Variants in XKR4 observed in about 807,000 individuals in gnomAD.
XKR4 encodes XK-related protein 4.
A neutral mutation model predicts 53.9 loss-of-function variants in XKR4; 12 were observed. That is an observed-to-expected ratio of 0.22 (90% confidence interval 0.14 to 0.36). The LOEUF (loss-of-function observed/expected upper bound fraction) is 0.36. XKR4 is among the 10% of genes least tolerant of loss of function. XKR4 has a pLI of 1.00. For synonymous variants in XKR4, 354 were observed against 362.4 expected, an observed-to-expected ratio of 0.98 and a Z score of 0.26; for missense variants, 799 against 859.5, an observed-to-expected ratio of 0.93 and a Z score of 0.88.
At chr8:55,279,756 C>T (rs141011626) in intron 1 of XKR4, among the ~76,000 whole-genome samples, 3 of 152,266 alleles carry the variant, frequency 2.0e-5, no homozygotes, top group Non-Finnish European at 4.4e-5. Context: ...TGAAGTCGTG[C>T]TCATTTCCTC....
At chr8:55,348,455 C>G (rs1297748141) in intron 1 of XKR4, among the ~76,000 whole-genome samples, 1 of 152,178 alleles carries the variant, frequency 6.6e-6, no homozygotes, top group Non-Finnish European at 1.5e-5. Context: ...TTTCTAGATA[C>G]AATCAGCACA....
chr8:55,454,573 G>C, intron 2 of XKR4: 1 of 1,441,562 alleles, frequency 6.9e-7, no homozygotes, highest in South Asian at 1.2e-5. Context: ...GGCCAGTGGA[G>C]TCTGGATGAC....
chr8:55,133,831 A>G (rs887002215), intron 1 of XKR4, among the ~76,000 whole-genome samples: 2 of 152,230 alleles, frequency 1.3e-5, no homozygotes, highest in African/African-American at 4.8e-5. Context: ...TGAATATTTA[A>G]TCACCAATAA....
chr8:55,458,810 C>A (rs540263987), intron 2 of XKR4, among the ~76,000 whole-genome samples: 2 of 152,296 alleles, frequency 1.3e-5, no homozygotes, highest in Admixed American at 1.3e-4. Context: ...CTTTGCCCCT[C>A]TGCCAGTGGA....
Position 55,139,397 on chromosome 8 carries a change from G to A in XKR4, c.806+36103G>A, listed in dbSNP as rs142208629. On this transcript the variant is annotated intron_variant, in intron 1 of 2. Transcript: ENST00000327381. The stretch of plus-strand genomic sequence containing the variant: ...AAAAATACAAAAATTATCTGGATGC[G>A]GTGGCGGCAGGCCCCGGTAATCCCA... Among the ~76,000 whole-genome samples, 1,204 of 151,752 alleles carry A rather than the reference G, an allele frequency of 7.9e-3. 11 individuals are homozygous for A. Among genetic ancestry groups the A allele is most frequent in the African/African-American group, 0.028 (1,151 of 41,348 alleles).
chr8:55,246,549 C>T (rs1013851800), intron 1 of XKR4, among the ~76,000 whole-genome samples: 3 of 152,110 alleles, frequency 2.0e-5, no homozygotes, highest in Non-Finnish European at 4.4e-5. Flanking sequence ...ATTCTAAGCC[C>T]TTGAAAATCT....
intron 1 of XKR4, among the ~76,000 whole-genome samples, chr8:55,281,715 T>G (rs1479671905): frequency 6.6e-6 from 1 of 152,240 alleles, no homozygotes; most frequent in African/African-American, 2.4e-5. Flanking sequence ...GTAATTTCTC[T>G]CGCTGTTTAT....
chr8:55,454,815 G>A (rs540448981), intron 2 of XKR4: 4 of 767,524 alleles, frequency 5.2e-6, no homozygotes, highest in East Asian at 2.5e-5. Flanking sequence ...CTCTGTGGGC[G>A]ACAGGTGCGT....
intron 1 of XKR4, among the ~76,000 whole-genome samples, chr8:55,314,045 T>C (rs1476509243): frequency 6.6e-6 from 1 of 152,136 alleles, no homozygotes; most frequent in Non-Finnish European, 1.5e-5. Context: ...AGTCCTAAAA[T>C]AAATGTATCT....
intron 2 of XKR4, among the ~76,000 whole-genome samples, chr8:55,375,410 C>T (rs556996042): frequency 6.6e-6 from 1 of 152,218 alleles, no homozygotes; most frequent in South Asian, 2.1e-4. Context: ...TGTTTCTCTC[C>T]TAAATGGATG....
intron 2 of XKR4, among the ~76,000 whole-genome samples, chr8:55,464,048 C>A (rs1171074883): frequency 6.6e-6 from 1 of 152,132 alleles, no homozygotes; most frequent in Non-Finnish European, 1.5e-5. Context: ...ACCAGAGATA[C>A]AATGAGAAGA....
At chr8:55,142,203 G>C in intron 1 of XKR4, 1 of 456,002 alleles carries the variant, frequency 2.2e-6, no homozygotes, top group Non-Finnish European at 4.4e-6. Context: ...CTGATCTGCT[G>C]GTCAAACGGC....
At chr8:55,277,343 A>C (rs1361886933) in intron 1 of XKR4, among the ~76,000 whole-genome samples, 1 of 152,210 alleles carries the variant, frequency 6.6e-6, no homozygotes, top group Non-Finnish European at 1.5e-5. Flanking sequence ...TAACAGGCAG[A>C]GCTATTTTAT....
At chr8:55,487,661 G>T (rs188488235) in intron 2 of XKR4, among the ~76,000 whole-genome samples, 1 of 152,126 alleles carries the variant, frequency 6.6e-6, no homozygotes, top group Non-Finnish European at 1.5e-5. Flanking sequence ...TAGAGATGGG[G>T]TTTCACCATG....
At chr8:55,452,632 C>A in intron 2 of XKR4, 1 of 1,372,528 alleles carries the variant, frequency 7.3e-7, no homozygotes, top group Non-Finnish European at 1.0e-6. Flanking sequence ...GGCACCATGA[C>A]ATGCAGCCCC....
intron 1 of XKR4, among the ~76,000 whole-genome samples, chr8:55,222,682 C>A (rs1247921666): frequency 6.6e-6 from 1 of 152,208 alleles, no homozygotes; most frequent in African/African-American, 2.4e-5. Context: ...GTTCCCAGCA[C>A]AAATTCTCTG....
chr8:55,167,308 G>C (rs1176514761), intron 1 of XKR4, among the ~76,000 whole-genome samples: 5 of 152,258 alleles, frequency 3.3e-5, no homozygotes, highest in African/African-American at 7.2e-5. Context: ...CAGCGAAGCT[G>C]TGTGTCCTGG....
chr8:55,370,331 A>G (rs78836915), intron 2 of XKR4, among the ~76,000 whole-genome samples: 5,362 of 152,284 alleles, frequency 0.035, 305 homozygotes, highest in African/African-American at 0.12. Context: ...GATTTAGGAA[A>G]GAGCTCTTAA....
chr8:55,418,895 T>C (rs1804887043), intron 2 of XKR4, among the ~76,000 whole-genome samples: 1 of 152,152 alleles, frequency 6.6e-6, no homozygotes, highest in South Asian at 2.1e-4. Flanking sequence ...CCCTGCTTTT[T>C]TTTTTTTAAT....
Sources: gnomAD v4.1 joint callset for allele counts (sites outside exome capture counted in the v4.1 genomes callset) on GRCh38, gnomAD v4.1.1 for gene constraint, MANE v1.5 for transcripts, NCBI Gene and HGNC (gene_info 2026-07-23, HGNC 2026-07-21) for gene names.